The following RGS6 variants were observed in gnomAD, a reference collection of about 807,000 sequenced individuals.
The protein encoded by RGS6 is regulator of G-protein signaling 6.
In RGS6, 30 loss-of-function variants were observed where a neutral mutation model predicts 78.5. That is an observed-to-expected ratio of 0.38 (90% CI 0.29 to 0.52). The LOEUF (loss-of-function observed/expected upper bound fraction) is 0.52. Among genes scored for constraint, RGS6 ranks in the 20% least tolerant of loss-of-function variants. The pLI is 0.85. For missense variants in RGS6, 495 were observed against 609.7 expected (o/e 0.81, Z 1.98); for synonymous variants, 206 against 206.0 (o/e 1.00, Z 0.00).
intron 3 of RGS6, among the ~76,000 whole-genome samples, chr14:72,380,607 C>T (rs1030372868): frequency 1.3e-5 from 2 of 152,020 alleles, no homozygotes; most frequent in African/African-American, 4.8e-5. Flanking sequence ...AAATGCCAAT[C>T]AAAACCACAA....
chr14:72,484,653 T>C (rs1414996936), intron 12 of RGS6, among the ~76,000 whole-genome samples: 1 of 152,240 alleles, frequency 6.6e-6, no homozygotes, highest in Non-Finnish European at 1.5e-5. Context: ...GTGGTTGGAC[T>C]GTATGTTTAC....
At chr14:72,628,429 T>G in the RGS6 span, among the ~76,000 whole-genome samples, 2 of 152,102 alleles carry the variant, frequency 1.3e-5, no homozygotes, top group Non-Finnish European at 2.9e-5. Context: ...AAATGAAAGA[T>G]TGGGCAAGTT....
chr14:72,072,128 AG>A (rs1459616279), intron 2 of RGS6, among the ~76,000 whole-genome samples: 2 of 152,212 alleles, frequency 1.3e-5, no homozygotes, highest in Non-Finnish European at 2.9e-5. Flanking sequence ...TGCTTCGGGC[AG>A]GTGCTGTTGT....
chr14:72,478,635 T>G (rs2096295914), intron 12 of RGS6, among the ~76,000 whole-genome samples: 1 of 152,234 alleles, frequency 6.6e-6, no homozygotes, highest in Non-Finnish European at 1.5e-5. Context: ...CTGGATTAAT[T>G]CAAATGGAAA....
At chr14:72,508,561 CCTTTT>C (rs2096838656) in intron 13 of RGS6, among the ~76,000 whole-genome samples, 1 of 92,650 alleles carries the variant, frequency 1.1e-5, no homozygotes, top group African/African-American at 4.1e-5. Flanking sequence ...CACACAAGCT[CCTTTT>C]TTTTTTTTTT....
chr14:72,148,606 A>G (rs2096640328), intron 2 of RGS6, among the ~76,000 whole-genome samples: 1 of 152,190 alleles, frequency 6.6e-6, no homozygotes, highest in Non-Finnish European at 1.5e-5. Context: ...GATATGGATG[A>G]GTTCTAGAGA....
At chr14:72,262,648 C>G (rs186588228) in intron 2 of RGS6, among the ~76,000 whole-genome samples, 1 of 152,326 alleles carries the variant, frequency 6.6e-6, no homozygotes, top group Non-Finnish European at 1.5e-5. Flanking sequence ...GTGTTCTCTT[C>G]TGCAAGTTGA....
intron 2 of RGS6, among the ~76,000 whole-genome samples, chr14:72,072,375 C>G (rs930270153): frequency 2.6e-5 from 4 of 151,060 alleles, no homozygotes; most frequent in African/African-American, 9.8e-5. Flanking sequence ...GTGGCGCAAT[C>G]TCGGCTCACT....
chr14:72,047,079 G>A (rs1489000612), intron 2 of RGS6, among the ~76,000 whole-genome samples: 1 of 152,104 alleles, frequency 6.6e-6, no homozygotes, highest in Non-Finnish European at 1.5e-5. Context: ...ATAAAATTCC[G>A]CTTTGGGCAG....
the RGS6 span, among the ~76,000 whole-genome samples, chr14:71,873,057 T>G: frequency 1.3e-5 from 2 of 152,292 alleles, no homozygotes; most frequent in South Asian, 2.1e-4. Flanking sequence ...GACATTTGGG[T>G]TGGTTTCAAG....
At chr14:72,350,948 A>T (rs770578604) in intron 2 of RGS6, among the ~76,000 whole-genome samples, 5 of 152,172 alleles carry the variant, frequency 3.3e-5, no homozygotes, top group East Asian at 1.9e-4. Flanking sequence ...GATGATGATG[A>T]TGTTATGCCG....
intron 2 of RGS6, among the ~76,000 whole-genome samples, chr14:72,269,417 T>C (rs34373542): frequency 0.058 from 8,757 of 152,286 alleles, 415 homozygotes; most frequent in East Asian, 0.29. Context: ...TCCAGCCACG[T>C]TGGCTTCCTG....
intron 2 of RGS6, among the ~76,000 whole-genome samples, chr14:72,024,844 G>A (rs533283028): frequency 7.5e-4 from 114 of 152,232 alleles, no homozygotes; most frequent in Middle Eastern, 3.4e-3. Flanking sequence ...GAGATCCAGG[G>A]ACAAAAATAT....
At chr14:71,956,337 G>T (rs910609679) in intron 1 of RGS6, among the ~76,000 whole-genome samples, 1 of 39,516 alleles carries the variant, frequency 2.5e-5, no homozygotes, top group Non-Finnish European at 4.8e-5. Flanking sequence ...AATAGTGTGT[G>T]TGTGTGTGTG....
chr14:72,542,397 A>G (rs1279140608), intron 17 of RGS6, among the ~76,000 whole-genome samples: 6 of 152,266 alleles, frequency 3.9e-5, no homozygotes, highest in South Asian at 2.1e-4. Context: ...ATGCCTTGCA[A>G]TTTGATAGCC....
chr14:72,044,369 T>C (rs2092671445), intron 2 of RGS6, among the ~76,000 whole-genome samples: 1 of 152,172 alleles, frequency 6.6e-6, no homozygotes, highest in African/African-American at 2.4e-5. Context: ...GCGTACTGAA[T>C]AAGAAAGATC....
At chr14:72,187,160 GA>G (rs2097258786) in intron 2 of RGS6, among the ~76,000 whole-genome samples, 1 of 152,160 alleles carries the variant, frequency 6.6e-6, no homozygotes, top group South Asian at 2.1e-4. Flanking sequence ...TAGATGCATT[GA>G]TTTTTTAAAA....
chr14:72,228,118 C>T (rs1426738311), intron 2 of RGS6, among the ~76,000 whole-genome samples: 2 of 152,182 alleles, frequency 1.3e-5, no homozygotes, highest in Non-Finnish European at 1.5e-5. Flanking sequence ...GTGGCTGACA[C>T]CTGTAATCCC....
At chr14:71,997,787 A>G (rs984092717) in intron 2 of RGS6, among the ~76,000 whole-genome samples, 7 of 152,352 alleles carry the variant, frequency 4.6e-5, no homozygotes, top group Admixed American at 3.3e-4. Context: ...TTTACATACA[A>G]TGCCATTTTA....
Sources: gnomAD v4.1 joint callset for allele counts (sites outside exome capture counted in the v4.1 genomes callset) on GRCh38, gnomAD v4.1.1 for gene constraint, MANE v1.5 for transcripts, NCBI Gene and HGNC (gene_info 2026-07-23, HGNC 2026-07-21) for gene names.